The following PPME1 variants were observed in gnomAD, a reference collection of about 807,000 sequenced individuals.
PPME1 encodes the protein testicular secretory protein Li 39.
In PPME1, 17 loss-of-function variants were observed where a neutral mutation model predicts 56.9. The ratio of observed to expected loss-of-function variants is 0.30; its 90% CI spans 0.20 to 0.45. The LOEUF is 0.45. PPME1 is among the 20% of genes least tolerant of loss of function. The probability of loss-of-function intolerance (pLI) is 1.00; values close to 1 mark genes in which losing one functional copy is unlikely to be tolerated. For synonymous variants in PPME1, 122 were observed against 156.2 expected, an observed-to-expected ratio of 0.78 and a Z score of 1.63; for missense variants, 357 against 483.2, an observed-to-expected ratio of 0.74 and a Z score of 2.45.
intron 3 of PPME1, among the ~76,000 whole-genome samples, chr11:74,217,314 G>T (rs1280837675): frequency 1.3e-5 from 2 of 152,060 alleles, no homozygotes; most frequent in Non-Finnish European, 2.9e-5. Flanking sequence ...GGCTGAGGCG[G>T]GTGGATCACT....
chr11:74,226,792 T>C (rs2135656457), intron 5 of PPME1, among the ~76,000 whole-genome samples: 1 of 152,234 alleles, frequency 6.6e-6, no homozygotes, highest in Middle Eastern at 3.4e-3. Flanking sequence ...TTTGAATAAG[T>C]AAAGTTGAAT....
intron 5 of PPME1, 121 bp downstream of exon 5, chr11:74,225,377 CTTCTG>C (rs1858908614): frequency 3.0e-6 from 2 of 666,188 alleles, no homozygotes; most frequent in Middle Eastern, 7.1e-4. Flanking sequence ...GAAAATTTTA[CTTCTG>C]TTCTCTCTCC....
At chr11:74,172,189 G>A (rs1368778863) in intron 1 of PPME1, among the ~76,000 whole-genome samples, 1 of 152,112 alleles carries the variant, frequency 6.6e-6, no homozygotes, top group African/African-American at 2.4e-5. Flanking sequence ...ACATAGCCAC[G>A]AAGATTGTTA....
intron 3 of PPME1, among the ~76,000 whole-genome samples, chr11:74,212,592 CCTT>C (rs1321268333): frequency 2.0e-5 from 3 of 152,034 alleles, no homozygotes; most frequent in African/African-American, 4.8e-5. Context: ...GGGAGAGACT[CCTT>C]CTTTCTGCTT....
At chr11:74,253,316 A>G (rs1859753140) in intron 13 of PPME1, among the ~76,000 whole-genome samples, 176 bp from the exon 14 acceptor site, 1 of 152,178 alleles carries the variant, frequency 6.6e-6, no homozygotes, top group Non-Finnish European at 1.5e-5. Flanking sequence ...CCTTGGGCAA[A>G]TGAGCAGCAC....
chr11:74,237,460 A>G (rs538687765), intron 8 of PPME1, among the ~76,000 whole-genome samples: 2 of 152,050 alleles, frequency 1.3e-5, no homozygotes, highest in East Asian at 3.9e-4. Context: ...TATTTTTAGT[A>G]GAGGTGGGGT....
intron 3 of PPME1, among the ~76,000 whole-genome samples, chr11:74,207,083 T>TA (rs1198435577): frequency 6.6e-6 from 1 of 152,064 alleles, no homozygotes; most frequent in Non-Finnish European, 1.5e-5. Context: ...AGACTGCTTT[T>TA]ATGCCACCTA....
intron 3 of PPME1, among the ~76,000 whole-genome samples, chr11:74,208,683 T>G (rs1858393363): frequency 1.3e-5 from 2 of 152,200 alleles, no homozygotes; most frequent in Non-Finnish European, 2.9e-5. Flanking sequence ...ACTTGACTCA[T>G]AAGCACTCAG....
intron 1 of PPME1, among the ~76,000 whole-genome samples, chr11:74,199,361 T>C (rs1858084608): frequency 6.6e-6 from 1 of 152,224 alleles, no homozygotes. Flanking sequence ...AGCAGATGCA[T>C]TGTCTCTCTA....
chr11:74,217,051 T>G (rs1380268512), intron 3 of PPME1, among the ~76,000 whole-genome samples: 1 of 151,920 alleles, frequency 6.6e-6, no homozygotes, highest in Non-Finnish European at 1.5e-5. Flanking sequence ...AAAAAAGAAA[T>G]AACACCAGTC....
intron 1 of PPME1, among the ~76,000 whole-genome samples, chr11:74,191,330 A>C (rs1173073375): frequency 3.9e-5 from 6 of 152,142 alleles, no homozygotes; most frequent in Non-Finnish European, 5.9e-5. Context: ...ACAGAGTGAA[A>C]CCCTGTCTGA....
At chr11:74,175,519 A>C (rs1384784602) in intron 1 of PPME1, among the ~76,000 whole-genome samples, 1 of 151,892 alleles carries the variant, frequency 6.6e-6, no homozygotes, top group Non-Finnish European at 1.5e-5. Flanking sequence ...AAAAAGTTCT[A>C]CTTTTCTATT....
intron 1 of PPME1, among the ~76,000 whole-genome samples, chr11:74,199,897 T>G (rs1457067215): frequency 6.6e-6 from 1 of 152,114 alleles, no homozygotes; most frequent in Non-Finnish European, 1.5e-5. Context: ...TTCACTACCA[T>G]GAGAACAGTA....
chr11:74,238,586 T>C (rs928513852), intron 8 of PPME1: 1 of 152,194 alleles, frequency 6.6e-6, no homozygotes, highest in Non-Finnish European at 1.5e-5. Context: ...CCAAAGAATA[T>C]AATAAAAAGA....
intron 12 of PPME1, chr11:74,251,341 A>G: frequency 2.9e-6 from 4 of 1,358,000 alleles, no homozygotes; most frequent in Non-Finnish European, 3.8e-6. Flanking sequence ...TCCCTAAACC[A>G]CAGGCACAGT....
At chr11:74,212,316 A>C (rs980398166) in intron 3 of PPME1, among the ~76,000 whole-genome samples, 8 of 152,334 alleles carry the variant, frequency 5.3e-5, no homozygotes, top group Non-Finnish European at 1.0e-4. Context: ...GACCAGCCTT[A>C]GCCAGAGGTG....
chr11:74,201,655 C>T (rs1296742030), intron 1 of PPME1, among the ~76,000 whole-genome samples: 1 of 152,118 alleles, frequency 6.6e-6, no homozygotes, highest in Admixed American at 6.5e-5. Context: ...GTTTTTTCAT[C>T]TGTTAAATGG....
At chr11:74,219,067 G>C (rs551862049) in intron 3 of PPME1, among the ~76,000 whole-genome samples, 1 of 151,944 alleles carries the variant, frequency 6.6e-6, no homozygotes, top group Non-Finnish European at 1.5e-5. Flanking sequence ...TTTTAAAATG[G>C]GCAAAAGATC....
intron 2 of PPME1, 48 bp downstream of exon 2, chr11:74,203,869 C>CT: frequency 7.3e-7 from 1 of 1,365,510 alleles, no homozygotes; most frequent in Non-Finnish European, 1.0e-6. Context: ...ATGATGTTGT[C>CT]TAAGTTAAAA....
Sources: gnomAD v4.1 joint callset for allele counts (sites outside exome capture counted in the v4.1 genomes callset) on GRCh38, gnomAD v4.1.1 for gene constraint, MANE v1.5 for transcripts, NCBI Gene and HGNC (gene_info 2026-07-23, HGNC 2026-07-21) for gene names.